The following RNF220 variants were observed in gnomAD, a reference collection of about 807,000 sequenced individuals.
The protein encoded by RNF220 is E3 ubiquitin-protein ligase RNF220.
A neutral mutation model predicts 67.1 loss-of-function variants in RNF220; 7 were observed. The ratio of observed to expected loss-of-function variants is 0.10; its 90% CI spans 0.06 to 0.20. RNF220 has a LOEUF of 0.20. Among genes scored for constraint, RNF220 ranks in the 10% least tolerant of loss-of-function variants. RNF220 has a pLI of 1.00. For synonymous variants in RNF220, 270 were observed against 283.2 expected, an observed-to-expected ratio of 0.95 and a Z score of 0.47; for missense variants, 565 against 740.3, an observed-to-expected ratio of 0.76 and a Z score of 2.75.
At chr1:44,459,850 C>A (rs1160076454) in intron 2 of RNF220, among the ~76,000 whole-genome samples, 1 of 152,184 alleles carries the variant, frequency 6.6e-6, no homozygotes, top group Non-Finnish European at 1.5e-5. Context: ...TACCTAGAAC[C>A]TAGTAGGTTC....
At chr1:44,511,699 G>A (rs988684516) in intron 2 of RNF220, among the ~76,000 whole-genome samples, 2 of 152,190 alleles carry the variant, frequency 1.3e-5, no homozygotes, top group African/African-American at 2.4e-5. Flanking sequence ...TAAGCGGGGC[G>A]CTGATTGAAC....
intron 2 of RNF220, among the ~76,000 whole-genome samples, chr1:44,461,655 G>T (rs1653770961): frequency 6.6e-6 from 1 of 152,188 alleles, no homozygotes; most frequent in Non-Finnish European, 1.5e-5. Flanking sequence ...TGCCTACTAT[G>T]CTAATTAACT....
chr1:44,423,767 A>C, intron 2 of RNF220: 43 of 825,682 alleles, frequency 5.2e-5, no homozygotes, highest in Non-Finnish European at 6.1e-5. Context: ...GCCACATAGC[A>C]CCCGGGATTC....
intron 2 of RNF220, among the ~76,000 whole-genome samples, chr1:44,425,857 T>C (rs1649713696): frequency 6.6e-6 from 1 of 152,228 alleles, no homozygotes; most frequent in Admixed American, 6.5e-5. Context: ...CTTTGGGGGC[T>C]AAAATAGTTT....
At chr1:44,608,798 G>A (rs537777307) in intron 2 of RNF220, among the ~76,000 whole-genome samples, 2 of 152,202 alleles carry the variant, frequency 1.3e-5, no homozygotes, top group Non-Finnish European at 2.9e-5. Flanking sequence ...TAGGGCCAGG[G>A]CACCTACTGA....
chr1:44,428,600 C>T (rs889051238), intron 2 of RNF220, among the ~76,000 whole-genome samples: 1 of 152,150 alleles, frequency 6.6e-6, no homozygotes, highest in Admixed American at 6.5e-5. Context: ...ACTCCACTAT[C>T]CCACCCCGCC....
rs1644731313 is a variant in RNF220, at chr1:44,649,395, T to C, written c.1446-266T>C. 1.9e-6 allele frequency: 1 copy of C among 515,184 alleles called. No individual in the cohort carries two copies. The highest frequency in any genetic ancestry group is 3.3e-5 in the Admixed American group (1 of 29,932). The allele number at this position is 515,184 out of a possible 1,614,324, so 31.9% of individuals were successfully genotyped here. A position where few individuals can be genotyped will look rare whatever the true frequency, so the allele number is the denominator to read the frequency against. ...TAGGAGAGATGACAGATTTGGGTGG[T>C]TGGGAAGACTGCGAAGGAGTGGTTG... On this transcript the variant is annotated intron_variant, in intron 12 of 14. Transcript: ENST00000361799. The surrounding 1 kb of genome is among the most constrained non-coding windows in gnomAD (Gnocchi z 5.9).
chr1:44,611,061 C>T (rs192485468), intron 2 of RNF220, among the ~76,000 whole-genome samples: 63 of 152,306 alleles, frequency 4.1e-4, no homozygotes, highest in African/African-American at 1.5e-3. Flanking sequence ...TGCAGTAAAA[C>T]CCACGTCATG....
At position 44,509,274 on chromosome 1, in the gene RNF220, G is replaced by T. The variant is rs563284553; in HGVS notation, c.625+96552G>T. ...ATTAGAAAATAGGCATAGGCAGCCGGGTGTGGTGGCTCACGCCTGTAATCC... is the reference window on the plus strand; with the variant it reads ...ATTAGAAAATAGGCATAGGCAGCCGTGTGTGGTGGCTCACGCCTGTAATCC... On this transcript the variant is annotated intron_variant, in intron 2 of 14. Transcript: ENST00000361799. Among the ~76,000 whole-genome samples, 4 of 152,300 alleles carry T rather than the reference G, an allele frequency of 2.6e-5. No individual in the cohort carries two copies. In the South Asian group the frequency reaches 8.3e-4, roughly 32 times the overall value.
chr1:44,405,379 T>C lies in RNF220; in HGVS notation c.-269T>C. 5.5e-6 allele frequency: 3 copies of C among 543,592 alleles called. No individual in the cohort carries two copies. Among genetic ancestry groups the C allele is most frequent in the Admixed American group, 2.8e-5 (1 of 35,170 alleles). 33.7% of individuals were successfully genotyped at this position (543,592 alleles called of 1,614,324 possible). A position where few individuals can be genotyped will look rare whatever the true frequency, so the allele number is the denominator to read the frequency against. On this transcript the variant is annotated 5_prime_UTR_variant, in exon 1 of 15. Coordinates refer to ENST00000361799, the MANE Select transcript of RNF220 (RefSeq NM_018150.4). ...CACAAACCCGGGGCCAGCCGCCTAC[T>C]GCTGCTGCTGCTGCTGCCGCTGCCG...
In RNF220 at chr1:44,621,375, G is replaced by A. The variant is rs1643788172; in HGVS notation, c.759-1367G>A. ...TATATGTGTGCGCCTTTATACCAGG[G>A]TTTCTCAACCTCGGCACAGTTGACA... On this transcript the variant is annotated intron_variant, in intron 3 of 14. Coordinates refer to ENST00000361799, the MANE Select transcript of RNF220 (RefSeq NM_018150.4). This position sits in a 1 kb window ranked among gnomAD's most constrained non-coding sequence, Gnocchi z 4.8. Among the ~76,000 whole-genome samples, 2 of 152,146 alleles carry A rather than the reference G, an allele frequency of 1.3e-5. No homozygotes were observed. The highest frequency in any genetic ancestry group is 4.8e-5 in the African/African-American group (2 of 41,434).
chr1:44,590,923 A>G (rs1666071385), intron 2 of RNF220, among the ~76,000 whole-genome samples: 1 of 152,164 alleles, frequency 6.6e-6, no homozygotes, highest in African/African-American at 2.4e-5. Flanking sequence ...TTTTCCAGGC[A>G]GAGGGAACAG....
chr1:44,490,622 T>A (rs1656771788), intron 2 of RNF220, among the ~76,000 whole-genome samples: 1 of 151,750 alleles, frequency 6.6e-6, no homozygotes, highest in Non-Finnish European at 1.5e-5. Context: ...TAGCTGTAAA[T>A]GCCTATACTT....
At chr1:44,596,493 C>T (rs895317813) in intron 2 of RNF220, among the ~76,000 whole-genome samples, 3 of 72,452 alleles carry the variant, frequency 4.1e-5, no homozygotes, top group Non-Finnish European at 1.1e-4. Flanking sequence ...ACTCGAGAGG[C>T]GGAGGTGGCA....
At chr1:44,441,227 A>C (rs530812390) in intron 2 of RNF220, among the ~76,000 whole-genome samples, 192 of 152,270 alleles carry the variant, frequency 1.3e-3, no homozygotes, top group African/African-American at 4.5e-3. Context: ...ATCCCTAAGC[A>C]GCCATAGGGA....
chr1:44,405,902 C>T (rs1403416188), intron 1 of RNF220, among the ~76,000 whole-genome samples: 2 of 152,180 alleles, frequency 1.3e-5, no homozygotes, highest in African/African-American at 4.8e-5. Flanking sequence ...TTCTTTTCTC[C>T]GTCTCTTAAT....
chr1:44,432,583 A>G (rs1468007166), intron 2 of RNF220, among the ~76,000 whole-genome samples: 2 of 135,092 alleles, frequency 1.5e-5, no homozygotes. Context: ...TTGTCTGTTT[A>G]GAAGCAGGGT....
At chr1:44,626,481 T>C (rs1000208679) in intron 5 of RNF220, 83 bp downstream of exon 5, 3 of 1,088,216 alleles carry the variant, frequency 2.8e-6, no homozygotes, top group South Asian at 1.3e-5. Flanking sequence ...TAACTCCTCC[T>C]CTCCTCTGTA....
Position 44,626,465 on chromosome 1 carries a change from C to T in RNF220, c.906+67C>T, listed in dbSNP as rs79924800. 0.01 allele frequency: 12,735 copies of T among 1,240,014 alleles called. 1,012 individuals carry two copies. The African/African-American group carries it at 0.17, about 16-fold the overall frequency. 76.8% of individuals were successfully genotyped at this position (1,240,014 alleles called of 1,614,324 possible). ...TGGGGGAGGGCTTCAAGAGCCTGCCCGGTGCTAACTCCTCCTCTCCTCTGT... is the reference window on the plus strand; with the variant it reads ...TGGGGGAGGGCTTCAAGAGCCTGCCTGGTGCTAACTCCTCCTCTCCTCTGT... On this transcript the variant is annotated intron_variant, in intron 5 of 14. Transcript: ENST00000361799.
Sources: gnomAD v4.1 joint callset for allele counts (sites outside exome capture counted in the v4.1 genomes callset) on GRCh38, gnomAD v4.1.1 for gene constraint, Gnocchi (gnomAD v3.1) non-coding constraint, MANE v1.5 for transcripts, NCBI Gene and HGNC (gene_info 2026-07-23, HGNC 2026-07-21) for gene names.